The following PHF3 variants were observed in gnomAD, a reference collection of about 807,000 sequenced individuals.
PHF3 encodes the protein PHD finger protein 3.
PHF3 carries 41 observed loss-of-function variants against 178.4 expected under a neutral mutation model. The ratio of observed to expected loss-of-function variants is 0.23; its 90% confidence interval spans 0.18 to 0.30. The LOEUF is 0.30. PHF3 is among the 10% of genes least tolerant of loss of function. The pLI is 1.00. For synonymous variants in PHF3, 842 were observed against 800.5 expected (o/e 1.05, Z -0.88); for missense variants, 2,346 against 2,398.1 (o/e 0.98, Z 0.45).
chr6:63,639,752 A>C (rs1764494855), intron 1 of PHF3, among the ~76,000 whole-genome samples: 1 of 152,120 alleles, frequency 6.6e-6, no homozygotes, highest in Non-Finnish European at 1.5e-5. Flanking sequence ...AACTAATGAG[A>C]TAATGCATAC....
At position 63,712,765 on chromosome 6, in the gene PHF3, A is replaced by C; in HGVS notation, c.5177A>C (p.Glu1726Ala). ...LKVAQNSPSV[E>A]NIQTSQAEQA... Reference sequence around the variant, plus strand: ...GTTGCACAAAACTCACCATCAGTAGAAAACATACAGACTTCTCAAGCAGAA... The same window carrying C: ...GTTGCACAAAACTCACCATCAGTAGCAAACATACAGACTTCTCAAGCAGAA... Residue 1726 changes from glutamate (E) to alanine (A), a missense_variant, in exon 16 of 16, where the codon GAA (glutamate) becomes GCA (alanine). Around this residue, in one of 8 missense-constraint regions of PHF3, gnomAD observed 839 missense variants for 806.9 expected, o/e 1.04. Transcript: ENST00000262043. The C allele has an allele frequency of 6.2e-7, 1 of 1,613,964 alleles. No individual in the cohort carries two copies. Among genetic ancestry groups the C allele is most frequent in the Non-Finnish European group, 8.5e-7 (1 of 1,179,946 alleles).
At chr6:63,637,317 C>T (rs2149531425) in intron 1 of PHF3, among the ~76,000 whole-genome samples, 1 of 152,248 alleles carries the variant, frequency 6.6e-6, no homozygotes, top group East Asian at 1.9e-4. Context: ...TTGTTAAAGG[C>T]CTAACAAAAC....
In PHF3 at chr6:63,701,979, T is replaced by G. The variant is rs149618462; in HGVS notation, c.3100-529T>G. Among the ~76,000 whole-genome samples the G allele has an allele frequency of 5.2e-3, 795 of 152,326 alleles. 5 individuals carry two copies. The highest frequency in any genetic ancestry group is 0.018 in the African/African-American group (756 of 41,562). On this transcript the variant is annotated intron_variant, in intron 9 of 15. Transcript: ENST00000262043. ...ACCTTTATACTACTACTTGTTATACTTGCTTAATTTTGATGTTTTGTTGCT... is the reference window on the plus strand; with the variant it reads ...ACCTTTATACTACTACTTGTTATACGTGCTTAATTTTGATGTTTTGTTGCT...
intron 3 of PHF3, among the ~76,000 whole-genome samples, chr6:63,682,436 A>G (rs1014716287): frequency 2.0e-5 from 3 of 152,058 alleles, no homozygotes; most frequent in East Asian, 1.9e-4. Flanking sequence ...TTGGTTTCCA[A>G]AATTTGCTGC....
In PHF3 at chr6:63,702,528, A is replaced by G. The variant is rs766109035; in HGVS notation, c.3120A>G (p.Lys1040=). 5.0e-6 allele frequency: 8 copies of G among 1,608,786 alleles called. No homozygotes were observed. Among genetic ancestry groups the G allele is most frequent in the Non-Finnish European group, 6.8e-6 (8 of 1,176,526 alleles). The change falls in exon 10 of 16, where the codon AAA becomes AAG. Residue 1040 remains lysine, a synonymous_variant. Coordinates refer to ENST00000262043, the MANE Select transcript of PHF3 (RefSeq NM_001370348.2). ...GTTAGACCATAGAAATGATTGAGAA[A>G]GAGCAGAGAGAAGTGGAACGACGGC... The part of the protein sequence containing the change: ...ENRHTIEMIE[K]EQREVERRPI...
In PHF3 at chr6:63,721,107, C is replaced by G; in HGVS notation, c.*7399C>G. On this transcript the variant is annotated 3_prime_UTR_variant, in exon 16 of 16. Transcript: ENST00000262043. ...GGATATAGTAGTGAACTGGAGGTTT[C>G]TCATTCTATAATTTGGATCAATGTA... The G allele has an allele frequency of 6.4e-7, 1 of 1,551,394 alleles. No homozygotes were observed. Among genetic ancestry groups the G allele is most frequent in the Non-Finnish European group, 8.7e-7 (1 of 1,146,800 alleles).
At chr6:63,654,540 G>C (rs1364313796) in intron 2 of PHF3, among the ~76,000 whole-genome samples, 4 of 152,164 alleles carry the variant, frequency 2.6e-5, no homozygotes, top group Non-Finnish European at 1.5e-5. Flanking sequence ...AAAGATAAAA[G>C]AGAGGTAAAC....
rs181379432 is a variant in PHF3 at position 63,693,395 on chromosome 6, C to T, written c.2497-1186C>T. On this transcript the variant is annotated intron_variant, in intron 5 of 15. Coordinates refer to ENST00000262043, the MANE Select transcript of PHF3 (RefSeq NM_001370348.2). Reference sequence around the variant, plus strand: ...CTTTGGGAGGCTGAGGTGGGCGGATCGCCTGAGGCCAGGAGTTTGAGACCA... The same window carrying T: ...CTTTGGGAGGCTGAGGTGGGCGGATTGCCTGAGGCCAGGAGTTTGAGACCA... Among the ~76,000 whole-genome samples the T allele has an allele frequency of 3.3e-5, 5 of 152,220 alleles. No individual in the cohort carries two copies. In the East Asian group the frequency reaches 7.7e-4, roughly 24 times the overall value.
chr6:63,703,111 C>T (rs999854418), intron 10 of PHF3, among the ~76,000 whole-genome samples: 19 of 152,202 alleles, frequency 1.2e-4, no homozygotes, highest in African/African-American at 4.6e-4. Flanking sequence ...CTCCTGACCT[C>T]AAGTGATCTG....
intron 1 of PHF3, among the ~76,000 whole-genome samples, chr6:63,641,528 ATGTGTGTGTG>A (rs201250434): frequency 0.013 from 1,872 of 140,656 alleles, 30 homozygotes; most frequent in African/African-American, 0.039. Context: ...TTAGGTGTGT[ATGTGTGTGTG>A]TGTGTGTGTG....
In PHF3 at chr6:63,713,360, T is replaced by C. The variant is rs182196219; in HGVS notation, c.5772T>C (p.Tyr1924=). The change falls in exon 16 of 16, where the codon TAT becomes TAC. Residue 1924 remains tyrosine, a synonymous_variant. Coordinates refer to ENST00000262043, the MANE Select transcript of PHF3 (RefSeq NM_001370348.2). ...NRGKGDRQRF[Y]SDSHHLKRER... ...GTAAAGGGGACCGCCAGAGATTTTATAGTGATTCACACCATTTGAAAAGAG... is the reference window on the plus strand; with the variant it reads ...GTAAAGGGGACCGCCAGAGATTTTACAGTGATTCACACCATTTGAAAAGAG... 4.1e-5 allele frequency: 66 copies of C among 1,613,988 alleles called. No homozygotes were observed. The East Asian group carries it at 1.3e-3, about 31-fold the overall frequency.
intron 15 of PHF3, 43 bp downstream of exon 15, chr6:63,711,405 G>A: frequency 6.7e-7 from 1 of 1,492,268 alleles, no homozygotes; most frequent in Non-Finnish European, 9.1e-7. Context: ...GAAATAACAT[G>A]GGAGGTGGGA....
intron 2 of PHF3, among the ~76,000 whole-genome samples, chr6:63,672,396 T>C (rs1437335965): frequency 6.6e-6 from 1 of 152,238 alleles, no homozygotes; most frequent in Non-Finnish European, 1.5e-5. Flanking sequence ...AAGTGCCTCC[T>C]TTCTGCCTGT....
At chr6:63,708,393 T>G (rs1050842536) in intron 13 of PHF3, among the ~76,000 whole-genome samples, 1 of 152,164 alleles carries the variant, frequency 6.6e-6, no homozygotes, top group Non-Finnish European at 1.5e-5. Context: ...TAAACAAGAT[T>G]ATTATTTTCC....
intron 1 of PHF3, among the ~76,000 whole-genome samples, chr6:63,637,331 G>T (rs1235723971): frequency 6.6e-6 from 1 of 152,052 alleles, no homozygotes; most frequent in Non-Finnish European, 1.5e-5. Context: ...ACAAAACTAC[G>T]CCTCCATTAT....
Position 63,711,313 on chromosome 6 carries a change from G to A in PHF3, c.3948G>A (p.Leu1316=), listed in dbSNP as rs755943590. The change falls in exon 15 of 16, where the codon TTG becomes TTA. Residue 1316 remains leucine, a synonymous_variant. Coordinates refer to ENST00000262043, the MANE Select transcript of PHF3 (RefSeq NM_001370348.2). ...KQVKDMYLIP[L]GATDKIPHPL... ...TTAAAGATATGTACCTTATTCCTTT[G>A]GGTGCCACAGATAAAATTCCACACC... 10 of 1,613,076 alleles carry A rather than the reference G, an allele frequency of 6.2e-6. 1 individual carries two copies. The South Asian group carries it at 8.8e-5, about 14-fold the overall frequency.
Position 63,720,980 on chromosome 6 carries a change from G to T in PHF3, c.*7272G>T, listed in dbSNP as rs572542912. On this transcript the variant is annotated 3_prime_UTR_variant, in exon 16 of 16. Transcript: ENST00000262043. ...CTCCCAAGTTAACTGCTATTTTCAA[G>T]GTCTGATTATGGAGACCAATTGCCA... 6.4e-7 allele frequency: 1 copy of T among 1,551,200 alleles called. No individual in the cohort carries two copies. Among genetic ancestry groups the T allele is most frequent in the African/African-American group, 1.4e-5 (1 of 73,008 alleles).
chr6:63,720,623 A>G lies in PHF3; in HGVS notation c.*6915A>G, dbSNP rs2149623385. ...ATGTAACCTCATTTTGTTCATCTCC[A>G]TCATAAACATTGTATCCTTCTAATT... On this transcript the variant is annotated 3_prime_UTR_variant, in exon 16 of 16. Transcript: ENST00000262043. The G allele has an allele frequency of 6.7e-7, 1 of 1,503,404 alleles. No homozygotes were observed. Among genetic ancestry groups the G allele is most frequent in the South Asian group, 1.3e-5 (1 of 74,686 alleles). 93.1% of individuals were successfully genotyped at this position (1,503,404 alleles called of 1,614,324 possible). A position where few individuals can be genotyped will look rare whatever the true frequency, so the allele number is the denominator to read the frequency against.
chr6:63,706,101 A>G lies in PHF3; in HGVS notation c.3440A>G (p.His1147Arg). 4 of 1,614,024 alleles carry G rather than the reference A, an allele frequency of 2.5e-6. No individual in the cohort carries two copies. Among genetic ancestry groups the G allele is most frequent in the Non-Finnish European group, 3.4e-6 (4 of 1,179,954 alleles). ...GTTGTTGTAGGAGTAGCTCGCAAAC[A>G]TTCAGACAATGAAGCAGAAAGTATA... is the stretch of plus-strand genomic sequence containing the variant. ...VKVVVGVARK[H>R]SDNEAESIAD... The change falls in exon 12 of 16, where the codon CAT (histidine) becomes CGT (arginine). Residue 1147 changes from histidine (H) to arginine (R), a missense_variant. His to Arg is a conservative substitution (Grantham distance 29). Transcript: ENST00000262043.
Sources: allele counts gnomAD v4.1 joint callset (sites outside exome capture counted in the v4.1 genomes callset), GRCh38; gene constraint gnomAD v4.1.1; regional missense constraint gnomAD v4.1.1; transcripts MANE v1.5; gene names NCBI Gene and HGNC (gene_info 2026-07-23, HGNC 2026-07-21).